Variants in MAGI1 observed in about 807,000 individuals in gnomAD.
The protein encoded by MAGI1 is membrane-associated guanylate kinase, WW and PDZ domain-containing protein 1.
Under a neutral mutation model 139.9 loss-of-function variants are expected in MAGI1, and 58 were observed. That is an observed-to-expected ratio of 0.41 (90% confidence interval 0.34 to 0.52). MAGI1 has a LOEUF of 0.52. MAGI1 is among the 20% of genes least tolerant of loss of function. The pLI, the probability that MAGI1 is intolerant of heterozygous loss-of-function variation, is 0.12. For missense variants in MAGI1, 1,874 were observed against 1,901.6 expected, an observed-to-expected ratio of 0.99 and a Z score of 0.27; for synonymous variants, 812 against 737.9, an observed-to-expected ratio of 1.10 and a Z score of -1.63.
At chr3:65,858,593 C>G (rs937669886) in intron 1 of MAGI1, among the ~76,000 whole-genome samples, 2 of 152,182 alleles carry the variant, frequency 1.3e-5, no homozygotes, top group African/African-American at 4.8e-5. Context: ...ATCTGTTGTA[C>G]TCTTTATCTC....
Position 65,930,213 on chromosome 3 carries a change from G to A in MAGI1, c.313+107783C>T, listed in dbSNP as rs377176638. On this transcript the variant is annotated intron_variant, in intron 1 of 22. Coordinates refer to ENST00000402939, the MANE Select transcript of MAGI1 (RefSeq NM_001033057.2). ...CGCCTGTAGTCCCGGCTACTCAGGG[G>A]GCTGAGGCAGGAGAATGACGTGAAC... Among the ~76,000 whole-genome samples, 249 of 150,462 alleles carry A rather than the reference G, an allele frequency of 1.7e-3. 6 individuals carry two copies. The South Asian group carries it at 0.05, about 30-fold the overall frequency.
chr3:65,388,469 T>C (rs1254174564), intron 14 of MAGI1, among the ~76,000 whole-genome samples: 1 of 152,130 alleles, frequency 6.6e-6, no homozygotes, highest in Non-Finnish European at 1.5e-5. Flanking sequence ...TATACACTTT[T>C]TTCTCTTTGA....
At chr3:65,865,123 A>G (rs2059677563) in intron 1 of MAGI1, among the ~76,000 whole-genome samples, 1 of 152,204 alleles carries the variant, frequency 6.6e-6, no homozygotes, top group Non-Finnish European at 1.5e-5. Flanking sequence ...ACCTACAGAG[A>G]GGGTCTATAT....
intron 7 of MAGI1, among the ~76,000 whole-genome samples, chr3:65,447,461 C>T (rs1277661515): frequency 1.3e-5 from 2 of 152,144 alleles, no homozygotes; most frequent in Non-Finnish European, 2.9e-5. Flanking sequence ...TATAAACAAC[C>T]ACTCACTACA....
At chr3:65,401,633 C>T (rs903220787) in intron 12 of MAGI1, 163 bp from the exon 13 acceptor site, 43 of 1,549,266 alleles carry the variant, frequency 2.8e-5, no homozygotes, top group African/African-American at 6.9e-5. Context: ...CTGTTCATAT[C>T]GAATCAAAGC....
At position 65,783,171 on chromosome 3, in the gene MAGI1, ACT is replaced by A. The variant is rs57045148; in HGVS notation, c.314-161085_314-161084del. On this transcript the variant is annotated intron_variant, in intron 1 of 22. Coordinates refer to ENST00000402939, the MANE Select transcript of MAGI1 (RefSeq NM_001033057.2). Reference sequence around the variant, plus strand: ...GTGCAGAATGTATTAAAAAAAAACAACTCTTACAATTCAACAACAAAAAGAAA... The same window carrying A: ...GTGCAGAATGTATTAAAAAAAAACAACTTACAATTCAACAACAAAAAGAAA... 2.2e-3 allele frequency among the ~76,000 whole-genome samples: 329 copies of A among 152,140 alleles called. 2 individuals are homozygous for A. Among genetic ancestry groups the A allele is most frequent in the African/African-American group, 7.5e-3 (310 of 41,522 alleles).
At chr3:65,535,785 T>C (rs979243425) in intron 2 of MAGI1, among the ~76,000 whole-genome samples, 5 of 152,344 alleles carry the variant, frequency 3.3e-5, no homozygotes, top group Middle Eastern at 3.4e-3. Context: ...AGAGATCAGT[T>C]AGGTAACCTC....
intron 12 of MAGI1, among the ~76,000 whole-genome samples, chr3:65,406,100 T>C (rs370495111): frequency 2.5e-4 from 38 of 152,266 alleles, no homozygotes; most frequent in Middle Eastern, 3.4e-3. Context: ...TTGAGCATCA[T>C]TGATCTCTAT....
At chr3:65,980,621 T>C (rs6445523) in intron 1 of MAGI1, among the ~76,000 whole-genome samples, 17 of 150,554 alleles carry the variant, frequency 1.1e-4, no homozygotes, top group African/African-American at 4.1e-4. Context: ...CAGAGTTGCT[T>C]ATCAGTAGCT....
At chr3:65,506,673 A>G (rs1168319498) in intron 2 of MAGI1, among the ~76,000 whole-genome samples, 5 of 152,182 alleles carry the variant, frequency 3.3e-5, no homozygotes, top group African/African-American at 1.2e-4. Context: ...GAAAATGCCT[A>G]CTTATTGAAA....
chr3:65,916,420 G>A (rs1332975172), intron 1 of MAGI1, among the ~76,000 whole-genome samples: 2 of 152,268 alleles, frequency 1.3e-5, no homozygotes, highest in East Asian at 3.9e-4. Flanking sequence ...ACAGTTCCAT[G>A]TGGCTGGGGA....
At chr3:65,988,930 C>T (rs2066024778) in intron 1 of MAGI1, among the ~76,000 whole-genome samples, 1 of 152,118 alleles carries the variant, frequency 6.6e-6, no homozygotes, top group South Asian at 2.1e-4. Context: ...CTCATTCGAC[C>T]CTTACTCAAT....
intron 1 of MAGI1, among the ~76,000 whole-genome samples, chr3:65,672,088 GA>G (rs138556519): frequency 1.3e-5 from 2 of 151,028 alleles, no homozygotes; most frequent in South Asian, 4.2e-4. Flanking sequence ...TTCCTGGGTG[GA>G]AAAAAAAATC....
At chr3:65,774,861 TTC>T (rs2038243856) in intron 1 of MAGI1, among the ~76,000 whole-genome samples, 1 of 152,194 alleles carries the variant, frequency 6.6e-6, no homozygotes, top group Non-Finnish European at 1.5e-5. Context: ...AGATTTTGAT[TTC>T]TGTCTTCACT....
At chr3:65,631,911 G>A (rs545037199) in intron 1 of MAGI1, among the ~76,000 whole-genome samples, 1 of 151,976 alleles carries the variant, frequency 6.6e-6, no homozygotes, top group African/African-American at 2.4e-5. Flanking sequence ...TGTAATCCCA[G>A]CTACTTGGGA....
At chr3:65,981,204 C>T (rs1198706299) in intron 1 of MAGI1, among the ~76,000 whole-genome samples, 1 of 151,758 alleles carries the variant, frequency 6.6e-6, no homozygotes, top group Admixed American at 6.6e-5. Flanking sequence ...CCTAGTCACA[C>T]TAGCCACATT....
Position 65,993,534 on chromosome 3 carries a change from A to G in MAGI1, c.313+44462T>C, listed in dbSNP as rs111813543. On this transcript the variant is annotated intron_variant, in intron 1 of 22. Transcript: ENST00000402939. ...GTTATGGGGCACTAATTGGGTGCCA[A>G]GCACTGTTCAAGCCTCCATGGACTG... Among the ~76,000 whole-genome samples, 1,119 of 152,308 alleles carry G rather than the reference A, an allele frequency of 7.3e-3. 11 individuals carry two copies. Among genetic ancestry groups the G allele is most frequent in the African/African-American group, 0.026 (1,071 of 41,570 alleles).
intron 1 of MAGI1, among the ~76,000 whole-genome samples, chr3:65,836,822 AAGAGAAAG>A (rs1216981733): frequency 1.3e-5 from 2 of 152,102 alleles, no homozygotes; most frequent in South Asian, 2.1e-4. Context: ...GACAGAGAGA[AAGAGAAAG>A]AGAGAAAGAG....
intron 1 of MAGI1, among the ~76,000 whole-genome samples, chr3:65,781,236 TG>T (rs1447926094): frequency 6.6e-6 from 1 of 151,618 alleles, no homozygotes; most frequent in Non-Finnish European, 1.5e-5. Context: ...AAAGTTCGGA[TG>T]GAAAACAGAA....
Sources: allele counts gnomAD v4.1 joint callset (sites outside exome capture counted in the v4.1 genomes callset), GRCh38; gene constraint gnomAD v4.1.1; transcripts MANE v1.5; gene names NCBI Gene and HGNC (gene_info 2026-07-23, HGNC 2026-07-21).